Variants in SAMD5 observed in about 807,000 individuals in gnomAD.
SAMD5 encodes the protein sterile alpha motif domain-containing protein 5.
SAMD5 carries 13 observed loss-of-function variants against 11.3 expected under a neutral mutation model. The observed-to-expected ratio is 1.15, with a 90% CI of 0.75 to 1.83. The LOEUF (loss-of-function observed/expected upper bound fraction) is 1.83. Ranked by LOEUF, SAMD5 falls within the 40% of genes most tolerant of loss-of-function variation. The probability of loss-of-function intolerance (pLI) is 0.00; values close to 1 mark genes in which losing one functional copy is unlikely to be tolerated. For missense variants in SAMD5, 255 were observed against 239.1 expected (o/e 1.07, Z -0.44); for synonymous variants, 129 against 111.3 (o/e 1.16, Z -1.00).
At chr6:147,645,589 G>A (rs1790385243) in intron 1 of SAMD5, among the ~76,000 whole-genome samples, 1 of 152,166 alleles carries the variant, frequency 6.6e-6, no homozygotes, top group Non-Finnish European at 1.5e-5. Context: ...ATATGATCTT[G>A]CACAGGTGTG....
chr6:147,837,193 T>G, the SAMD5 span, among the ~76,000 whole-genome samples: 1 of 152,178 alleles, frequency 6.6e-6, no homozygotes, highest in African/African-American at 2.4e-5. Context: ...GGTGGTCCAC[T>G]CAGTGTCTGC....
intron 1 of SAMD5, among the ~76,000 whole-genome samples, chr6:147,686,008 G>A (rs9497839): frequency 0.75 from 113,684 of 152,172 alleles, 42,685 homozygotes; most frequent in South Asian, 0.83. Flanking sequence ...TGATATTTGC[G>A]TTGTGTTTGG....
At chr6:147,594,720 A>C (rs1399376234) in intron 1 of SAMD5, among the ~76,000 whole-genome samples, 1 of 152,158 alleles carries the variant, frequency 6.6e-6, no homozygotes, top group Non-Finnish European at 1.5e-5. Flanking sequence ...TGCTTCACTA[A>C]CAGTCAATCA....
intron 1 of SAMD5, among the ~76,000 whole-genome samples, chr6:147,689,710 G>A (rs1356281288): frequency 6.6e-6 from 1 of 152,136 alleles, no homozygotes; most frequent in Non-Finnish European, 1.5e-5. Context: ...ATCACTTATT[G>A]TAAAAAACAA....
At chr6:147,719,938 A>G (rs1231630816) in intron 1 of SAMD5, among the ~76,000 whole-genome samples, 1 of 152,210 alleles carries the variant, frequency 6.6e-6, no homozygotes, top group Non-Finnish European at 1.5e-5. Context: ...CTAATGCCTG[A>G]ACTCTTGACA....
rs753161018 is a variant in SAMD5, at chr6:147,539,723, AAAT to A, written c.460-24667_460-24665del. Among the ~76,000 whole-genome samples the A allele has an allele frequency of 1.8e-4, 27 of 152,226 alleles. No individual in the cohort carries two copies. In the East Asian group the frequency reaches 1.9e-3, roughly 11 times the overall value. The stretch of plus-strand genomic sequence containing the variant: ...AGATGAAAAAAAAAAAAATGGAGAA[AAAT>A]AATTCAATTGACTGAGAAGAAAAAA... On this transcript the variant is annotated intron_variant, in intron 1 of 1. Coordinates refer to ENST00000367474, the MANE Select transcript of SAMD5 (RefSeq NM_001030060.3).
intron 1 of SAMD5, chr6:147,733,648 AC>A: frequency 5.3e-6 from 1 of 186,980 alleles, no homozygotes; most frequent in Admixed American, 6.5e-5. Flanking sequence ...CATTATAATT[AC>A]TTTATTCTCT....
At chr6:147,826,127 T>C in the SAMD5 span, among the ~76,000 whole-genome samples, 3 of 152,248 alleles carry the variant, frequency 2.0e-5, no homozygotes, top group African/African-American at 7.2e-5. Flanking sequence ...TTGAAGAATA[T>C]GCTACGAGTC....
the SAMD5 span, among the ~76,000 whole-genome samples, chr6:147,877,847 T>TACACACACACAC: frequency 0.049 from 5,552 of 112,966 alleles, 233 homozygotes; most frequent in Non-Finnish European, 0.066. Flanking sequence ...TTTATATAAA[T>TACACACACACAC]ACACACACAC....
chr6:147,825,750 C>T, the SAMD5 span, among the ~76,000 whole-genome samples: 2 of 152,190 alleles, frequency 1.3e-5, no homozygotes, highest in Non-Finnish European at 2.9e-5. Context: ...GACGATTTCT[C>T]TGCCTTGTGA....
the SAMD5 span, among the ~76,000 whole-genome samples, chr6:147,909,618 T>TTCTCTCTCTCTCTCTCTCTCTCTCTC: frequency 2.6e-5 from 2 of 76,420 alleles, no homozygotes; most frequent in African/African-American, 1.7e-4. Context: ...CTTTCTTTCT[T>TTCTCTCTCTCTCTCTCTCTCTCTCTC]TCTTTCTTTC....
chr6:147,526,791 G>A (rs1044619917), intron 1 of SAMD5, among the ~76,000 whole-genome samples: 1 of 150,628 alleles, frequency 6.6e-6, no homozygotes, highest in Non-Finnish European at 1.5e-5. Flanking sequence ...TTGGTGAGTG[G>A]TCCACTTTGG....
At chr6:147,912,159 TTAAG>T in the SAMD5 span, among the ~76,000 whole-genome samples, 1 of 152,126 alleles carries the variant, frequency 6.6e-6, no homozygotes, top group Non-Finnish European at 1.5e-5. Flanking sequence ...ATGTTTATAA[TTAAG>T]TAAGCTTACT....
intron 1 of SAMD5, among the ~76,000 whole-genome samples, chr6:147,633,162 C>T (rs183233400): frequency 6.6e-6 from 1 of 152,272 alleles, no homozygotes; most frequent in Non-Finnish European, 1.5e-5. Context: ...TTGGCAAAGG[C>T]GTGATGAATT....
At chr6:147,563,330 C>G (rs1395920833) in intron 1 of SAMD5, among the ~76,000 whole-genome samples, 1 of 152,118 alleles carries the variant, frequency 6.6e-6, no homozygotes, top group Non-Finnish European at 1.5e-5. Flanking sequence ...TTGATGATGT[C>G]TGCAGTATGA....
chr6:147,746,096 C>A, the SAMD5 span, among the ~76,000 whole-genome samples: 1 of 152,162 alleles, frequency 6.6e-6, no homozygotes, highest in Admixed American at 6.5e-5. Context: ...TTACTATTTC[C>A]ATCCCTGTTT....
At chr6:147,674,762 C>T (rs1433139056) in intron 1 of SAMD5, among the ~76,000 whole-genome samples, 2 of 152,126 alleles carry the variant, frequency 1.3e-5, no homozygotes, top group African/African-American at 4.8e-5. Context: ...GTTACCTGCA[C>T]TATTAAAAAA....
chr6:147,849,632 G>A, the SAMD5 span, among the ~76,000 whole-genome samples: 493 of 152,182 alleles, frequency 3.2e-3, 3 homozygotes, highest in African/African-American at 0.011. Context: ...GCAGCTTTAC[G>A]ATTAATTGTC....
In SAMD5 at chr6:147,718,203, A is replaced by G. The variant is rs142010163; in HGVS notation, c.163-19114A>G. 7.4e-3 allele frequency among the ~76,000 whole-genome samples: 1,125 copies of G among 152,300 alleles called. 11 individuals carry two copies. The highest frequency in any genetic ancestry group is 0.025 in the African/African-American group (1,055 of 41,568). On this transcript the variant is annotated intron_variant, in intron 1 of 1. Coordinates refer to the SAMD5 transcript ENST00000566741. ...AGGGTATCGTTTAGTACATTGGAAGAGGTAATTTTCTGAAGAGTGGTGTAT... is the reference window on the plus strand; with the variant it reads ...AGGGTATCGTTTAGTACATTGGAAGGGGTAATTTTCTGAAGAGTGGTGTAT...
Sources: gnomAD v4.1 joint callset for allele counts (sites outside exome capture counted in the v4.1 genomes callset) on GRCh38, gnomAD v4.1.1 for gene constraint, MANE v1.5 for transcripts, NCBI Gene and HGNC (gene_info 2026-07-23, HGNC 2026-07-21) for gene names.